Variants in TRIM5 observed in about 807,000 individuals in gnomAD.
TRIM5 encodes tripartite motif-containing protein 5.
In TRIM5, 31 loss-of-function variants were observed where a neutral mutation model predicts 35.6. The ratio of observed to expected loss-of-function variants is 0.87; its 90% CI spans 0.65 to 1.18. The LOEUF is 1.18. Ranked by LOEUF, TRIM5 falls within the 50% of genes most tolerant of loss-of-function variation. The pLI, the probability that TRIM5 is intolerant of heterozygous loss-of-function variation, is 0.00. For synonymous variants in TRIM5, 243 were observed against 215.6 expected, an observed-to-expected ratio of 1.13 and a Z score of -1.11; for missense variants, 609 against 591.6, an observed-to-expected ratio of 1.03 and a Z score of -0.31.
At chr11:5,615,639 G>T in the TRIM5 span, among the ~76,000 whole-genome samples, 1 of 151,742 alleles carries the variant, frequency 6.6e-6, no homozygotes, top group African/African-American at 2.4e-5. Flanking sequence ...TGTCATCCAG[G>T]CTGGAGTGCA....
At chr11:5,608,847 A>ATTTTTTTTTTTTTTTTTT in the TRIM5 span, among the ~76,000 whole-genome samples, 1 of 101,902 alleles carries the variant, frequency 9.8e-6, no homozygotes, top group African/African-American at 4.3e-5. Context: ...TTGCCCATAA[A>ATTTTTTTTTTTTTTTTTT]TTTTTTTTTT....
At chr11:5,594,790 A>T in the TRIM5 span, among the ~76,000 whole-genome samples, 1 of 151,888 alleles carries the variant, frequency 6.6e-6, no homozygotes, top group Non-Finnish European at 1.5e-5. Context: ...CAATCATACC[A>T]TTTTGTATTC....
chr11:5,610,675 T>C, the TRIM5 span: 1 of 1,569,366 alleles, frequency 6.4e-7, no homozygotes, highest in Non-Finnish European at 8.7e-7. Flanking sequence ...ATCCCCGCCA[T>C]ATAGTTCCAG....
chr11:5,683,439 T>C lies in TRIM5; in HGVS notation c.-62+1429A>G, dbSNP rs536001925. Among the ~76,000 whole-genome samples, 4 of 152,346 alleles carry C rather than the reference T, an allele frequency of 2.6e-5. No individual in the cohort carries two copies. In the East Asian group the frequency reaches 5.8e-4, roughly 22 times the overall value. ...ATTGTAAATGCACCAATCAGCACCC[T>C]GTGTCTAGCTCAGGGTTTGTGAATG... On this transcript the variant is annotated intron_variant, in intron 1 of 7. Coordinates refer to ENST00000380034, the MANE Select transcript of TRIM5 (RefSeq NM_033034.3).
intron 4 of TRIM5, among the ~76,000 whole-genome samples, chr11:5,675,718 T>C (rs1282906764): frequency 3.3e-5 from 5 of 151,586 alleles, no homozygotes; most frequent in East Asian, 3.9e-4. Flanking sequence ...TGTTTTATTA[T>C]ACTTTAAGTT....
At chr11:5,681,151 A>C (rs1207422938) in intron 1 of TRIM5, among the ~76,000 whole-genome samples, 1 of 152,180 alleles carries the variant, frequency 6.6e-6, no homozygotes, top group Non-Finnish European at 1.5e-5. Flanking sequence ...GGATACTTGA[A>C]AACTAGAAGC....
the TRIM5 span, among the ~76,000 whole-genome samples, chr11:5,639,639 C>G: frequency 7.3e-6 from 1 of 137,256 alleles, no homozygotes. Flanking sequence ...AAGTTCGCAC[C>G]ACTGCACTCC....
At chr11:5,642,732 C>T in the TRIM5 span, 1 of 1,565,920 alleles carries the variant, frequency 6.4e-7, no homozygotes, top group Non-Finnish European at 8.7e-7. Context: ...ATTCCCTTCC[C>T]CTGTCCCTAC....
the TRIM5 span, among the ~76,000 whole-genome samples, chr11:5,622,402 G>A: frequency 4.0e-5 from 6 of 149,442 alleles, no homozygotes; most frequent in Non-Finnish European, 5.9e-5. Flanking sequence ...CCGAGATCAC[G>A]CCACTGCACT....
intron 5 of TRIM5, chr11:5,666,411 A>G (rs550505952): frequency 3.9e-6 from 1 of 255,714 alleles, no homozygotes; most frequent in South Asian, 5.4e-5. Context: ...AAACAAAACA[A>G]AACAAAACTT....
At chr11:5,623,327 C>T in the TRIM5 span, among the ~76,000 whole-genome samples, 1 of 151,404 alleles carries the variant, frequency 6.6e-6, no homozygotes, top group African/African-American at 2.4e-5. Flanking sequence ...AAAGTAATTG[C>T]GGTTCTTGCT....
the TRIM5 span, chr11:5,610,748 A>C: frequency 6.2e-7 from 1 of 1,608,556 alleles, no homozygotes; most frequent in African/African-American, 1.3e-5. Flanking sequence ...CCCCGTTCTC[A>C]TCTGCTGATG....
At chr11:5,678,987 A>C in intron 3 of TRIM5, 87 bp downstream of exon 3, 1 of 1,091,328 alleles carries the variant, frequency 9.2e-7, no homozygotes, top group East Asian at 2.4e-5. Flanking sequence ...GACTTATCAA[A>C]TGTCAGGGAA....
At chr11:5,641,423 G>T in the TRIM5 span, 2 of 1,065,948 alleles carry the variant, frequency 1.9e-6, no homozygotes, top group East Asian at 3.0e-5. Flanking sequence ...CAGCCAAAAA[G>T]GATATTAAGG....
intron 2 of TRIM5, among the ~76,000 whole-genome samples, chr11:5,679,379 C>T (rs184967490): frequency 1.6e-4 from 24 of 152,264 alleles, no homozygotes; most frequent in Middle Eastern, 3.4e-3. Context: ...ATCTCCTCAC[C>T]ATGAGTAGAC....
downstream of TRIM5, among the ~76,000 whole-genome samples, chr11:5,662,423 G>A (rs1850861454): frequency 2.0e-5 from 3 of 150,644 alleles, no homozygotes; most frequent in African/African-American, 7.3e-5. Context: ...TGTCATTTAT[G>A]AAAATTACCA....
chr11:5,656,533 T>C, the TRIM5 span, among the ~76,000 whole-genome samples: 1 of 152,116 alleles, frequency 6.6e-6, no homozygotes, highest in Non-Finnish European at 1.5e-5. Flanking sequence ...TTTGTATTTT[T>C]AGTAGAGATG....
chr11:5,636,190 G>A, the TRIM5 span, among the ~76,000 whole-genome samples: 1 of 152,314 alleles, frequency 6.6e-6, no homozygotes, highest in Non-Finnish European at 1.5e-5. Context: ...ATATTGTTTA[G>A]CTGTGAAAAA....
the TRIM5 span, among the ~76,000 whole-genome samples, chr11:5,630,103 C>A: frequency 2.0e-5 from 3 of 152,108 alleles, no homozygotes; most frequent in African/African-American, 7.2e-5. Flanking sequence ...CGGATTGATT[C>A]CCTTGTAAAG....
Sources: gnomAD v4.1 joint callset for allele counts (sites outside exome capture counted in the v4.1 genomes callset) on GRCh38, gnomAD v4.1.1 for gene constraint, MANE v1.5 for transcripts, NCBI Gene and HGNC (gene_info 2026-07-23, HGNC 2026-07-21) for gene names.